Variants in ADAMTS18 observed in about 807,000 individuals in gnomAD.
ADAMTS18 encodes A disintegrin and metalloproteinase with thrombospondin motifs 18.
Under a neutral mutation model 165.9 loss-of-function variants are expected in ADAMTS18, and 157 were observed. The observed-to-expected ratio is 0.95, with a 90% CI of 0.83 to 1.08. The LOEUF is 1.08. Among genes scored for constraint, ADAMTS18 ranks in the 50% least tolerant of loss-of-function variants. The probability of loss-of-function intolerance (pLI) is 0.00; values close to 1 mark genes in which losing one functional copy is unlikely to be tolerated. For synonymous variants in ADAMTS18, 782 were observed against 578.2 expected, an observed-to-expected ratio of 1.35 and a Z score of -5.06; for missense variants, 2,040 against 1,534.0, an observed-to-expected ratio of 1.33 and a Z score of -5.51.
chr16:77,326,059 C>T, intron 12 of ADAMTS18, 21 bp from the exon 13 acceptor site: 1 of 1,610,344 alleles, frequency 6.2e-7, no homozygotes, highest in Non-Finnish European at 8.5e-7. Context: ...AATTAATGAA[C>T]TTTAATGTTA....
chr16:77,340,908 A>T (rs1314057325), intron 11 of ADAMTS18, among the ~76,000 whole-genome samples: 1 of 152,118 alleles, frequency 6.6e-6, no homozygotes, highest in Non-Finnish European at 1.5e-5. Context: ...TTTTTTCTGT[A>T]TAGGTTTATA....
chr16:77,361,443 T>C (rs577926186), intron 7 of ADAMTS18, among the ~76,000 whole-genome samples: 5 of 152,348 alleles, frequency 3.3e-5, no homozygotes, highest in African/African-American at 1.2e-4. Context: ...AAGGCACTGT[T>C]ACCTAGTGGC....
At chr16:77,288,735 T>TTTATGTTCCCATTTTCA (rs1290587036) in intron 22 of ADAMTS18, among the ~76,000 whole-genome samples, 2 of 152,320 alleles carry the variant, frequency 1.3e-5, no homozygotes, top group Non-Finnish European at 2.9e-5. Context: ...GTTGTTCACC[T>TTTATGTTCCCATTTTCA]TTATGTTCCC....
At chr16:77,379,576 C>T (rs921049172) in intron 3 of ADAMTS18, among the ~76,000 whole-genome samples, 7 of 152,172 alleles carry the variant, frequency 4.6e-5, no homozygotes, top group African/African-American at 1.7e-4. Flanking sequence ...GCAACCTCCA[C>T]CTCCCAGGTT....
chr16:77,308,394 T>C (rs2055719118), intron 16 of ADAMTS18, among the ~76,000 whole-genome samples: 1 of 152,096 alleles, frequency 6.6e-6, no homozygotes, highest in Non-Finnish European at 1.5e-5. Context: ...TGATAGAGAA[T>C]GTGACTCATT....
chr16:77,339,677 C>G (rs1313272262), intron 11 of ADAMTS18, among the ~76,000 whole-genome samples: 1 of 151,670 alleles, frequency 6.6e-6, no homozygotes, highest in Non-Finnish European at 1.5e-5. Context: ...GACTTGAGCA[C>G]TATTTATATT....
At chr16:77,337,446 T>G (rs2056327471) in intron 11 of ADAMTS18, among the ~76,000 whole-genome samples, 1 of 152,172 alleles carries the variant, frequency 6.6e-6, no homozygotes. Context: ...GCCGTTTTCC[T>G]CAGTAGGAGA....
chr16:77,417,848 T>G (rs1324200758), intron 3 of ADAMTS18, among the ~76,000 whole-genome samples: 2 of 152,160 alleles, frequency 1.3e-5, no homozygotes, highest in African/African-American at 4.8e-5. Flanking sequence ...AGGGCACACA[T>G]TTGCAAAGCA....
At chr16:77,429,147 G>A (rs2057708248) in intron 3 of ADAMTS18, among the ~76,000 whole-genome samples, 1 of 152,184 alleles carries the variant, frequency 6.6e-6, no homozygotes, top group Admixed American at 6.5e-5. Flanking sequence ...AATGTTTATT[G>A]CTGCACTATT....
chr16:77,387,493 C>G (rs1417136095), intron 3 of ADAMTS18, among the ~76,000 whole-genome samples: 1 of 152,212 alleles, frequency 6.6e-6, no homozygotes, highest in African/African-American at 2.4e-5. Flanking sequence ...AGTACACACA[C>G]AGAGGAAGCT....
At chr16:77,295,158 A>T in intron 18 of ADAMTS18, 31 bp from the exon 19 acceptor site, 3 of 1,612,632 alleles carry the variant, frequency 1.9e-6, no homozygotes, top group Non-Finnish European at 2.5e-6. Flanking sequence ...TTACCAATGA[A>T]GCCAAACTTT....
At chr16:77,432,405 T>TA (rs1192047399) in intron 2 of ADAMTS18, 1 of 152,236 alleles carries the variant, frequency 6.6e-6, no homozygotes, top group Non-Finnish European at 1.5e-5. Context: ...AAGGCATGTT[T>TA]AAAAATACCT....
chr16:77,309,543 T>G (rs1216088136), intron 16 of ADAMTS18, among the ~76,000 whole-genome samples: 1 of 152,200 alleles, frequency 6.6e-6, no homozygotes, highest in Non-Finnish European at 1.5e-5. Flanking sequence ...AAAATTGGAC[T>G]GGCATGTGAC....
rs1327305467 is a variant in ADAMTS18, at chr16:77,353,773, A to T, written c.1574T>A (p.Phe525Tyr). ...YDADTQCKWQ[F>Y]GAKAKLCSLG... The stretch of plus-strand genomic sequence containing the variant: ...GCTGCATAACTTGGCTTTTGCTCCA[A>T]ATTGCCATTTACACTGTGTGTCAGC... The change falls in exon 10 of 23, where the codon TTT becomes TAT. Residue 525 changes from phenylalanine to tyrosine, a missense_variant. Coordinates refer to ENST00000282849, the MANE Select transcript of ADAMTS18 (RefSeq NM_199355.4). 18 of 1,613,984 alleles carry T rather than the reference A, an allele frequency of 1.1e-5. No homozygotes were observed. Among genetic ancestry groups the T allele is most frequent in the Non-Finnish European group, 1.5e-5 (18 of 1,180,026 alleles).
Position 77,362,381 on chromosome 16 carries a change from C to A in ADAMTS18, c.1057-117G>T, listed in dbSNP as rs557512366. 2.0e-5 allele frequency: 23 copies of A among 1,146,984 alleles called. 1 individual carries two copies. The South Asian group carries it at 2.2e-4, about 11-fold the overall frequency. 71.1% of individuals were successfully genotyped at this position (1,146,984 alleles called of 1,614,324 possible). On this transcript the variant is annotated intron_variant, in intron 6 of 22. Coordinates refer to ENST00000282849, the MANE Select transcript of ADAMTS18 (RefSeq NM_199355.4). ...ATTTCTAGGGAAAAAGATCAGTAAA[C>A]ACTTGAGCTAAGGTAGGAGACAGGA...
At chr16:77,319,746 A>G in intron 16 of ADAMTS18, 103 bp downstream of exon 16, 1 of 1,588,624 alleles carries the variant, frequency 6.3e-7, no homozygotes, top group Non-Finnish European at 8.6e-7. Context: ...CCCGGCCAGG[A>G]AACACCTTTG....
At chr16:77,373,161 T>C (rs902157048) in intron 3 of ADAMTS18, among the ~76,000 whole-genome samples, 1 of 152,152 alleles carries the variant, frequency 6.6e-6, no homozygotes, top group African/African-American at 2.4e-5. Flanking sequence ...TTAAACACCA[T>C]CTTCTCAGAG....
At chr16:77,284,885 T>C (rs751310270) in intron 22 of ADAMTS18, among the ~76,000 whole-genome samples, 3 of 152,120 alleles carry the variant, frequency 2.0e-5, no homozygotes, top group Non-Finnish European at 2.9e-5. Flanking sequence ...GCCTGATGTA[T>C]TGGGAGTCAA....
intron 4 of ADAMTS18, among the ~76,000 whole-genome samples, chr16:77,365,664 C>T (rs1192151301): frequency 2.6e-5 from 4 of 152,094 alleles, no homozygotes; most frequent in Non-Finnish European, 5.9e-5. Flanking sequence ...AATGGACAGC[C>T]ACAACTACGA....
Sources: allele counts gnomAD v4.1 joint callset (sites outside exome capture counted in the v4.1 genomes callset), GRCh38; gene constraint gnomAD v4.1.1; transcripts MANE v1.5; gene names NCBI Gene and HGNC (gene_info 2026-07-23, HGNC 2026-07-21).